CNTNAP2: variants seen among roughly 807,000 people sequenced by gnomAD.
CNTNAP2 encodes contactin-associated protein-like 2.
Under a neutral mutation model 155.2 loss-of-function variants are expected in CNTNAP2, and 98 were observed. The observed-to-expected ratio is 0.63, with a 90% CI of 0.54 to 0.75. The LOEUF (loss-of-function observed/expected upper bound fraction) is 0.75. Among genes scored for constraint, CNTNAP2 ranks in the 30% least tolerant of loss-of-function variants. The probability of loss-of-function intolerance (pLI) is 0.00; values close to 1 mark genes in which losing one functional copy is unlikely to be tolerated. For synonymous variants in CNTNAP2, 651 were observed against 631.2 expected (o/e 1.03, Z -0.47); for missense variants, 1,727 against 1,688.1 (o/e 1.02, Z -0.40).
chr7:147,876,416 T>G (rs1190498826), intron 13 of CNTNAP2, among the ~76,000 whole-genome samples: 2 of 152,180 alleles, frequency 1.3e-5, no homozygotes, highest in Non-Finnish European at 2.9e-5. Context: ...TAATGTTTAT[T>G]TGCATGGGAA....
intron 13 of CNTNAP2, among the ~76,000 whole-genome samples, chr7:147,641,497 A>G (rs1795277852): frequency 6.6e-6 from 1 of 151,182 alleles, no homozygotes; most frequent in African/African-American, 2.4e-5. Context: ...TGAGTTTCTG[A>G]TTCAGTAGGT....
chr7:147,618,523 CAT>C (rs1244211566), intron 12 of CNTNAP2, among the ~76,000 whole-genome samples: 1 of 151,232 alleles, frequency 6.6e-6, no homozygotes, highest in Non-Finnish European at 1.5e-5. Flanking sequence ...GTATAGGACA[CAT>C]ATAAAAATTT....
chr7:147,232,795 A>G lies in CNTNAP2; in HGVS notation c.1349-67346A>G, dbSNP rs1179934695. Reference sequence around the variant, plus strand: ...GGTAATGACTTTTTTAAAAGCGTTTATCTTTTCTTTTTCTGAAGAACAATT... The same window carrying G: ...GGTAATGACTTTTTTAAAAGCGTTTGTCTTTTCTTTTTCTGAAGAACAATT... On this transcript the variant is annotated intron_variant, in intron 8 of 23. Transcript: ENST00000361727. Among the ~76,000 whole-genome samples the G allele has an allele frequency of 2.0e-5, 3 of 151,842 alleles. No homozygotes were observed. In the East Asian group the frequency reaches 5.8e-4, roughly 29 times the overall value.
intron 3 of CNTNAP2, among the ~76,000 whole-genome samples, chr7:146,983,572 C>T (rs1023659397): frequency 5.3e-5 from 8 of 152,206 alleles, no homozygotes; most frequent in Non-Finnish European, 5.9e-5. Flanking sequence ...GTGATACTCT[C>T]TTCCATATTA....
intron 12 of CNTNAP2, among the ~76,000 whole-genome samples, chr7:147,630,285 C>A (rs1795061032): frequency 8.2e-6 from 1 of 122,444 alleles, no homozygotes; most frequent in Admixed American, 9.0e-5. Flanking sequence ...TCTAAACTGA[C>A]CAATGACAAA....
intron 12 of CNTNAP2, among the ~76,000 whole-genome samples, chr7:147,585,048 G>A (rs1328668235): frequency 6.6e-6 from 1 of 152,114 alleles, no homozygotes; most frequent in Non-Finnish European, 1.5e-5. Flanking sequence ...TCTCTGTGTT[G>A]CCCACAGCCT....
intron 9 of CNTNAP2, among the ~76,000 whole-genome samples, chr7:147,366,727 A>G (rs1796235213): frequency 6.6e-6 from 1 of 151,730 alleles, no homozygotes; most frequent in East Asian, 1.9e-4. Context: ...ATCCACAATC[A>G]AGTTTTATTA....
At chr7:146,841,374 G>T (rs1400694109) in intron 3 of CNTNAP2, among the ~76,000 whole-genome samples, 1 of 151,322 alleles carries the variant, frequency 6.6e-6, no homozygotes, top group Admixed American at 6.6e-5. Flanking sequence ...AGGGGGTTGG[G>T]TGGGGGGAAG....
At chr7:146,507,433 C>T (rs762233561) in intron 1 of CNTNAP2, among the ~76,000 whole-genome samples, 1 of 152,218 alleles carries the variant, frequency 6.6e-6, no homozygotes, top group African/African-American at 2.4e-5. Context: ...GCCAGAAAAG[C>T]CATCTCAGCC....
chr7:148,021,230 A>G (rs915150005), intron 15 of CNTNAP2, among the ~76,000 whole-genome samples: 1 of 152,170 alleles, frequency 6.6e-6, no homozygotes, highest in African/African-American at 2.4e-5. Flanking sequence ...CTCATATCAA[A>G]TAAATTTATT....
At chr7:147,170,573 C>CTTT (rs1802206647) in intron 8 of CNTNAP2, among the ~76,000 whole-genome samples, 10 of 76,262 alleles carry the variant, frequency 1.3e-4, no homozygotes, top group Non-Finnish European at 2.8e-4. Flanking sequence ...TGCATCTCAC[C>CTTT]CTTCTGAGTG....
chr7:148,120,309 C>T (rs894474303), intron 16 of CNTNAP2, among the ~76,000 whole-genome samples: 1 of 151,508 alleles, frequency 6.6e-6, no homozygotes, highest in Non-Finnish European at 1.5e-5. Flanking sequence ...CTCTGTCACC[C>T]AGGCTGGAGT....
At chr7:148,373,970 T>C (rs953669022) in intron 21 of CNTNAP2, among the ~76,000 whole-genome samples, 7 of 152,246 alleles carry the variant, frequency 4.6e-5, no homozygotes, top group Non-Finnish European at 1.0e-4. Context: ...CTGAACATCA[T>C]TTTATATGGC....
intron 1 of CNTNAP2, among the ~76,000 whole-genome samples, chr7:146,718,627 C>T (rs780021943): frequency 2.3e-4 from 35 of 152,136 alleles, no homozygotes; most frequent in Non-Finnish European, 4.7e-4. Context: ...GAGTCTCTGG[C>T]TGTCACTATC....
chr7:146,203,915 A>G (rs767299556), intron 1 of CNTNAP2, among the ~76,000 whole-genome samples: 4 of 152,182 alleles, frequency 2.6e-5, no homozygotes, highest in Non-Finnish European at 5.9e-5. Context: ...AACCCTGCTT[A>G]TGAAAGCATA....
chr7:146,310,696 G>A (rs577069431), intron 1 of CNTNAP2, among the ~76,000 whole-genome samples: 2 of 151,892 alleles, frequency 1.3e-5, no homozygotes, highest in South Asian at 2.1e-4. Context: ...TACTTACTAC[G>A]ATCAAAGTAG....
chr7:147,111,358 G>A (rs1275976064), intron 5 of CNTNAP2, among the ~76,000 whole-genome samples: 3 of 152,158 alleles, frequency 2.0e-5, no homozygotes, highest in African/African-American at 7.2e-5. Flanking sequence ...CTGTGCAGAA[G>A]CACTTCAGTT....
chr7:147,592,032 C>G (rs1264014183), intron 12 of CNTNAP2, among the ~76,000 whole-genome samples: 1 of 152,190 alleles, frequency 6.6e-6, no homozygotes, highest in African/African-American at 2.4e-5. Context: ...GCTGTTCTTC[C>G]TCTGTCTCCC....
chr7:146,488,470 A>G (rs1205494177), intron 1 of CNTNAP2, among the ~76,000 whole-genome samples: 1 of 151,974 alleles, frequency 6.6e-6, no homozygotes, highest in Non-Finnish European at 1.5e-5. Context: ...CCTGGAATGC[A>G]TAGTCATTTT....
Sources: gnomAD v4.1 joint callset for allele counts (sites outside exome capture counted in the v4.1 genomes callset) on GRCh38, gnomAD v4.1.1 for gene constraint, MANE v1.5 for transcripts, NCBI Gene and HGNC (gene_info 2026-07-23, HGNC 2026-07-21) for gene names.